Variants in BTAF1 observed in about 807,000 individuals in gnomAD.
The protein encoded by BTAF1 is TATA-binding protein-associated factor 172.
A neutral mutation model predicts 227.1 loss-of-function variants in BTAF1; 38 were observed. That is an observed-to-expected ratio of 0.17 (90% CI 0.13 to 0.22). The LOEUF (loss-of-function observed/expected upper bound fraction) is 0.22, where lower values mean the gene tolerates loss of function less well. Among genes scored for constraint, BTAF1 ranks in the 10% least tolerant of loss-of-function variants. The pLI, the probability that BTAF1 is intolerant of heterozygous loss-of-function variation, is 1.00. For synonymous variants in BTAF1, 742 were observed against 751.9 expected (o/e 0.99, Z 0.21); for missense variants, 1,598 against 2,204.0 (o/e 0.73, Z 5.51).
At chr10:91,992,560 C>A (rs1589903795) in intron 21 of BTAF1, among the ~76,000 whole-genome samples, 1 of 152,190 alleles carries the variant, frequency 6.6e-6, no homozygotes, top group African/African-American at 2.4e-5. Context: ...AGTCCTATAG[C>A]AGTGACTGTA....
chr10:92,006,103 G>T (rs1007485980), intron 25 of BTAF1, among the ~76,000 whole-genome samples: 15 of 151,928 alleles, frequency 9.9e-5, no homozygotes, highest in African/African-American at 3.6e-4. Flanking sequence ...TCAAACTCCT[G>T]GGCTCAATCC....
intron 2 of BTAF1, among the ~76,000 whole-genome samples, chr10:91,937,828 A>G (rs1844740490): frequency 6.6e-6 from 1 of 152,156 alleles, no homozygotes; most frequent in Non-Finnish European, 1.5e-5. Context: ...ACTGTACCAT[A>G]TGGTAACTTT....
At chr10:92,009,265 G>A in intron 28 of BTAF1, 57 bp downstream of exon 28, 1 of 1,539,332 alleles carries the variant, frequency 6.5e-7, no homozygotes, top group Non-Finnish European at 8.9e-7. Context: ...TTAAGATAAG[G>A]AACAGTAACA....
At chr10:92,004,697 C>G (rs1469310846) in intron 25 of BTAF1, among the ~76,000 whole-genome samples, 1 of 152,096 alleles carries the variant, frequency 6.6e-6, no homozygotes, top group Non-Finnish European at 1.5e-5. Flanking sequence ...TCTTAAACTC[C>G]TGGGCTCAAG....
intron 11 of BTAF1, 25 bp from the exon 12 acceptor site, chr10:91,962,513 T>A: frequency 2.1e-6 from 3 of 1,455,954 alleles, no homozygotes; most frequent in Non-Finnish European, 1.9e-6. Context: ...AGAAAATTAA[T>A]TTATTTTCAT....
At chr10:92,000,145 T>C (rs2134065789) in intron 25 of BTAF1, among the ~76,000 whole-genome samples, 1 of 152,336 alleles carries the variant, frequency 6.6e-6, no homozygotes, top group South Asian at 2.1e-4. Context: ...ACAACAAAGA[T>C]ACTAGACCAC....
rs962497407 is a variant in BTAF1, at chr10:92,030,597, A to T, written c.*1664A>T. On this transcript the variant is annotated 3_prime_UTR_variant, in exon 38 of 38. Transcript: ENST00000265990. ...GGGCTATGAAGGGGCAAAAGAAATC[A>T]CACCATAAAAGTTAGTACTTTTTCC... 1.4e-4 allele frequency among the ~76,000 whole-genome samples: 22 copies of T among 152,332 alleles called. No homozygotes were observed. The highest frequency in any genetic ancestry group is 5.0e-4 in the African/African-American group (21 of 41,602).
In BTAF1 at chr10:92,016,481, TAC is replaced by T; in HGVS notation, c.4710+17_4710+18del. ...CGTATTCCAGGTATAGATTACATTC[TAC>T]TTTTTTTTTTTTTGAGATGGAATTT... is the stretch of plus-strand genomic sequence containing the variant. On this transcript the variant is annotated intron_variant, in intron 33 of 37. Coordinates refer to ENST00000265990, the MANE Select transcript of BTAF1 (RefSeq NM_003972.3). The T allele has an allele frequency of 4.0e-6, 6 of 1,512,646 alleles. No individual in the cohort carries two copies. The highest frequency in any genetic ancestry group is 2.5e-5 in the Admixed American group (1 of 40,678). 93.7% of individuals were successfully genotyped at this position (1,512,646 alleles called of 1,614,324 possible).
chr10:91,948,165 C>G (rs1003073394), intron 4 of BTAF1, among the ~76,000 whole-genome samples: 7 of 150,410 alleles, frequency 4.7e-5, no homozygotes, highest in African/African-American at 7.3e-5. Context: ...CCCATCCCCC[C>G]ACCCCACGAC....
At chr10:92,020,720 C>CTTT (rs966663402) in intron 34 of BTAF1, among the ~76,000 whole-genome samples, 16 of 152,132 alleles carry the variant, frequency 1.1e-4, no homozygotes, top group African/African-American at 3.6e-4. Context: ...TGCTGTAGGT[C>CTTT]TTTATATAGA....
At chr10:91,956,805 A>AGGGTTTCACCATGT in intron 7 of BTAF1, 148 bp downstream of exon 7, 4 of 789,732 alleles carry the variant, frequency 5.1e-6, no homozygotes, top group Non-Finnish European at 7.7e-6. Context: ...CCTGGCCAAC[A>AGGGTTTCACCATGT]TGGTGAAACC....
At chr10:92,002,663 C>T (rs920092049) in intron 25 of BTAF1, among the ~76,000 whole-genome samples, 2 of 152,002 alleles carry the variant, frequency 1.3e-5, no homozygotes, top group African/African-American at 4.8e-5. Context: ...AAGTTAATTC[C>T]AATACCTTTG....
chr10:91,968,679 T>G (rs1317113089), intron 14 of BTAF1, among the ~76,000 whole-genome samples: 2 of 152,248 alleles, frequency 1.3e-5, no homozygotes, highest in African/African-American at 4.8e-5. Context: ...GGGTTCCTAT[T>G]GCTTTACATT....
At chr10:92,000,601 C>T (rs1035390508) in intron 25 of BTAF1, among the ~76,000 whole-genome samples, 1 of 152,088 alleles carries the variant, frequency 6.6e-6, no homozygotes, top group African/African-American at 2.4e-5. Flanking sequence ...TCTTGTCACC[C>T]AGGCTGGAGT....
At chr10:91,983,148 A>G (rs946975812) in intron 18 of BTAF1, among the ~76,000 whole-genome samples, 3 of 152,254 alleles carry the variant, frequency 2.0e-5, no homozygotes, top group Admixed American at 6.5e-5. Context: ...AGTATTAGAC[A>G]TCCATCTGTG....
chr10:91,945,720 G>A (rs959204828), intron 4 of BTAF1, among the ~76,000 whole-genome samples: 2 of 152,204 alleles, frequency 1.3e-5, no homozygotes, highest in African/African-American at 4.8e-5. Context: ...CATTTTGACT[G>A]TTGTGAATAA....
intron 15 of BTAF1, among the ~76,000 whole-genome samples, 186 bp from the exon 16 acceptor site, chr10:91,981,457 T>C (rs1262995022): frequency 6.6e-6 from 1 of 151,588 alleles, no homozygotes; most frequent in African/African-American, 2.4e-5. Flanking sequence ...TTGCATGACT[T>C]TTTTTTTAGT....
In BTAF1 at chr10:91,941,907, C is replaced by T. The variant is rs190628359; in HGVS notation, c.254-515C>T. The stretch of plus-strand genomic sequence containing the variant: ...TGGTCTGTGGAAAAGGAACCACCAA[C>T]TTATTCACAGATAACTAAGAACTGA... On this transcript the variant is annotated intron_variant, in intron 3 of 37. Coordinates refer to ENST00000265990, the MANE Select transcript of BTAF1 (RefSeq NM_003972.3). Among the ~76,000 whole-genome samples the T allele has an allele frequency of 6.0e-4, 91 of 152,380 alleles. No individual in the cohort carries two copies. In the Middle Eastern group the frequency reaches 0.01, roughly 17 times the overall value.
intron 7 of BTAF1, among the ~76,000 whole-genome samples, 165 bp downstream of exon 7, chr10:91,956,822 C>G (rs991890472): frequency 2.0e-5 from 3 of 152,064 alleles, no homozygotes; most frequent in Non-Finnish European, 4.4e-5. Context: ...AACCCTGTCT[C>G]TACTAAAGAT....
Sources: allele counts gnomAD v4.1 joint callset (sites outside exome capture counted in the v4.1 genomes callset), GRCh38; gene constraint gnomAD v4.1.1; transcripts MANE v1.5; gene names NCBI Gene and HGNC (gene_info 2026-07-23, HGNC 2026-07-21).